Variants in SDK1 observed in about 807,000 individuals in gnomAD.
SDK1 encodes the protein sidekick cell adhesion molecule 1.
Under a neutral mutation model 245.5 loss-of-function variants are expected in SDK1, and 157 were observed. The observed-to-expected ratio is 0.64, with a 90% CI of 0.56 to 0.73. SDK1 has a LOEUF of 0.73. Ranked by LOEUF, SDK1 falls within the 30% of genes least tolerant of loss-of-function variation. The probability of loss-of-function intolerance (pLI) is 0.00; values close to 1 mark genes in which losing one functional copy is unlikely to be tolerated. For missense variants in SDK1, 3,583 were observed against 3,002.3 expected (o/e 1.19, Z -4.52); for synonymous variants, 1,647 against 1,278.5 (o/e 1.29, Z -6.15).
chr7:3,722,358 C>T (rs369697731), intron 4 of SDK1, among the ~76,000 whole-genome samples: 1 of 152,160 alleles, frequency 6.6e-6, no homozygotes, highest in African/African-American at 2.4e-5. Flanking sequence ...AACAATCTCT[C>T]TCCCCTGGTA....
chr7:3,608,464 C>A (rs1383165637), intron 1 of SDK1, among the ~76,000 whole-genome samples: 1 of 152,062 alleles, frequency 6.6e-6, no homozygotes, highest in African/African-American at 2.4e-5. Flanking sequence ...CTTGTTGCAT[C>A]AATGAAAACA....
At chr7:3,355,444 A>G (rs1170073856) in intron 1 of SDK1, among the ~76,000 whole-genome samples, 5 of 152,098 alleles carry the variant, frequency 3.3e-5, no homozygotes, top group East Asian at 3.9e-4. Context: ...TCAGCCTCCC[A>G]TGTTGCTTGC....
intron 1 of SDK1, among the ~76,000 whole-genome samples, chr7:3,308,654 A>AT (rs1393282196): frequency 2.0e-5 from 3 of 152,000 alleles, no homozygotes; most frequent in Non-Finnish European, 2.9e-5. Flanking sequence ...TTTCAAAAAA[A>AT]TTTTTTTTAA....
intron 4 of SDK1, among the ~76,000 whole-genome samples, chr7:3,766,803 G>A (rs893665437): frequency 1.3e-5 from 2 of 152,124 alleles, no homozygotes; most frequent in Non-Finnish European, 2.9e-5. Flanking sequence ...CAGTCAACAA[G>A]TATATATGGA....
intron 22 of SDK1, among the ~76,000 whole-genome samples, chr7:4,095,865 C>T (rs1018097420): frequency 2.0e-5 from 3 of 152,196 alleles, no homozygotes; most frequent in Admixed American, 6.5e-5. Context: ...TGAGCCACCA[C>T]GCCCAGCCTC....
At chr7:4,081,821 A>G (rs1357582434) in intron 22 of SDK1, among the ~76,000 whole-genome samples, 1 of 152,186 alleles carries the variant, frequency 6.6e-6, no homozygotes. Context: ...AATGATCCTC[A>G]AGATTTTGCT....
At position 3,366,851 on chromosome 7, in the gene SDK1, C is replaced by G. The variant is rs140428634; in HGVS notation, c.298+64967C>G. Among the ~76,000 whole-genome samples the G allele has an allele frequency of 1.3e-3, 196 of 152,204 alleles. 4 individuals are homozygous for G. The East Asian group carries it at 0.033, about 26-fold the overall frequency. ...CTGCCTCCTGGGTTCAAGCAATTCT[C>G]CTGCCTCAGCCTCCCAAGTAACTGG... On this transcript the variant is annotated intron_variant, in intron 1 of 44. Transcript: ENST00000404826.
intron 5 of SDK1, among the ~76,000 whole-genome samples, chr7:3,866,050 G>A (rs563939962): frequency 6.6e-6 from 1 of 152,196 alleles, no homozygotes; most frequent in Non-Finnish European, 1.5e-5. Flanking sequence ...GAGGCAGAGT[G>A]ACAGAATACA....
At chr7:3,337,354 T>TG (rs964792558) in intron 1 of SDK1, among the ~76,000 whole-genome samples, 36 of 150,878 alleles carry the variant, frequency 2.4e-4, no homozygotes, top group African/African-American at 8.0e-4. Context: ...CTGCCCAATG[T>TG]GAAAAAAATA....
intron 1 of SDK1, among the ~76,000 whole-genome samples, chr7:3,465,609 C>T (rs567860092): frequency 3.3e-5 from 5 of 152,250 alleles, no homozygotes; most frequent in African/African-American, 1.2e-4. Flanking sequence ...CCCCTGTGTG[C>T]TGTGAACACA....
intron 1 of SDK1, among the ~76,000 whole-genome samples, chr7:3,345,931 C>T (rs903548680): frequency 1.3e-5 from 2 of 152,174 alleles, no homozygotes; most frequent in Non-Finnish European, 2.9e-5. Flanking sequence ...TGTCATCACC[C>T]ACTGCAGTTA....
intron 4 of SDK1, among the ~76,000 whole-genome samples, chr7:3,759,584 C>CATTATTATTATTATTATT (rs4039584): frequency 5.5e-5 from 8 of 145,864 alleles, no homozygotes; most frequent in African/African-American, 1.8e-4. Context: ...AAATTTTTTT[C>CATTATTATTATTATTATT]ATTATTATTA....
rs1372701736 is a variant in SDK1 at position 3,781,306 on chromosome 7, A to G, written c.714-40144A>G. Among the ~76,000 whole-genome samples, 3 of 152,082 alleles carry G rather than the reference A, an allele frequency of 2.0e-5. No individual in the cohort carries two copies. The East Asian group carries it at 5.8e-4, about 29-fold the overall frequency. The stretch of plus-strand genomic sequence containing the variant: ...ATCAAACAGGGAAGCCAGGCCCACA[A>G]CCCCACCTGACATCAGAGCAAAAGC... On this transcript the variant is annotated intron_variant, in intron 4 of 44. Coordinates refer to ENST00000404826, the MANE Select transcript of SDK1 (RefSeq NM_152744.4).
At chr7:4,060,580 A>G (rs200239348) in intron 19 of SDK1, among the ~76,000 whole-genome samples, 1,542 of 151,920 alleles carry the variant, frequency 0.01, 21 homozygotes, top group South Asian at 0.03. Context: ...ATTTTCTCCC[A>G]TTGTGTAGGT....
At chr7:4,038,496 C>T (rs1237213350) in intron 17 of SDK1, among the ~76,000 whole-genome samples, 1 of 152,166 alleles carries the variant, frequency 6.6e-6, no homozygotes, top group Non-Finnish European at 1.5e-5. Flanking sequence ...GCAGTGGAAG[C>T]TTGTTTGATG....
chr7:3,417,664 T>G (rs17741019), intron 1 of SDK1, among the ~76,000 whole-genome samples: 21,117 of 152,198 alleles, frequency 0.14, 1,647 homozygotes, highest in African/African-American at 0.19. Context: ...ATGATATATT[T>G]GTTGCCTTTC....
intron 32 of SDK1, among the ~76,000 whole-genome samples, chr7:4,171,293 T>A (rs904179311): frequency 6.6e-6 from 1 of 152,220 alleles, no homozygotes; most frequent in African/African-American, 2.4e-5. Context: ...TTCTGCTTTG[T>A]TTCTCTAGCT....
At chr7:4,225,778 C>G (rs1785405891) in intron 40 of SDK1, among the ~76,000 whole-genome samples, 1 of 152,138 alleles carries the variant, frequency 6.6e-6, no homozygotes, top group African/African-American at 2.4e-5. Context: ...TGTGTGGAAA[C>G]TGACCCACAG....
rs191841884 is a variant in SDK1, at chr7:3,479,559, A to C, written c.299-139521A>C. 4.2e-3 allele frequency among the ~76,000 whole-genome samples: 643 copies of C among 151,988 alleles called. 7 individuals are homozygous for C. Among genetic ancestry groups the C allele is most frequent in the South Asian group, 0.018 (85 of 4,808 alleles). ...TTTGCTCTGATTAGCAATTAGTGAG[A>C]TATGTTAAAATTACTTCACTAAGGC... is the stretch of plus-strand genomic sequence containing the variant. On this transcript the variant is annotated intron_variant, in intron 1 of 44. Transcript: ENST00000404826.
Sources: allele counts gnomAD v4.1 joint callset (sites outside exome capture counted in the v4.1 genomes callset), GRCh38; gene constraint gnomAD v4.1.1; transcripts MANE v1.5; gene names NCBI Gene and HGNC (gene_info 2026-07-23, HGNC 2026-07-21).